The following TP73 variants were observed in gnomAD, a reference collection of about 807,000 sequenced individuals.
TP73 encodes p53-like transcription factor.
Under a neutral mutation model 62.5 loss-of-function variants are expected in TP73, and 25 were observed. That is an observed-to-expected ratio of 0.40 (90% CI 0.29 to 0.56). The LOEUF is 0.56. Among genes scored for constraint, TP73 ranks in the 20% least tolerant of loss-of-function variants. The pLI is 0.46. For synonymous variants in TP73, 423 were observed against 377.5 expected (o/e 1.12, Z -1.40); for missense variants, 754 against 913.3 (o/e 0.83, Z 2.25).
chr1:3,658,333 A>G (rs1045855226), intron 1 of TP73, among the ~76,000 whole-genome samples: 3 of 152,222 alleles, frequency 2.0e-5, no homozygotes, highest in African/African-American at 7.2e-5. Flanking sequence ...TTGACAAAAG[A>G]CAGACTCACA....
chr1:3,664,318 T>C (rs921693915), intron 1 of TP73, among the ~76,000 whole-genome samples: 1 of 152,136 alleles, frequency 6.6e-6, no homozygotes, highest in Non-Finnish European at 1.5e-5. Flanking sequence ...AGGCCCCCCG[T>C]GGCTCAGGGT....
At chr1:3,723,291 T>C in intron 5 of TP73, 63 bp from the exon 6 acceptor site, 1 of 1,398,578 alleles carries the variant, frequency 7.2e-7, no homozygotes, top group Non-Finnish European at 1.0e-6. Flanking sequence ...GGCACCTCTC[T>C]GCACCTAGCA....
At chr1:3,653,656 G>GT (rs1644806299) in intron 1 of TP73, among the ~76,000 whole-genome samples, 1 of 152,208 alleles carries the variant, frequency 6.6e-6, no homozygotes, top group Admixed American at 6.5e-5. Flanking sequence ...GGTTTTTGTT[G>GT]TTTTGTTTTT....
intron 4 of TP73, among the ~76,000 whole-genome samples, chr1:3,715,497 C>T (rs1640517722): frequency 6.6e-6 from 1 of 152,098 alleles, no homozygotes; most frequent in South Asian, 2.1e-4. Context: ...GCTGGTCCAC[C>T]CCAGCTTAGC....
intron 3 of TP73, among the ~76,000 whole-genome samples, chr1:3,700,934 C>T (rs1247451835): frequency 1.3e-5 from 2 of 152,236 alleles, no homozygotes; most frequent in Non-Finnish European, 2.9e-5. Context: ...AGCTCCCCTC[C>T]AGCTCCTGGC....
intron 6 of TP73, among the ~76,000 whole-genome samples, chr1:3,725,378 G>A (rs941404443): frequency 6.9e-6 from 1 of 145,556 alleles, no homozygotes; most frequent in Non-Finnish European, 1.5e-5. Context: ...GTGAGTGGGT[G>A]GATGGGTGGA....
intron 3 of TP73, among the ~76,000 whole-genome samples, chr1:3,689,937 T>A (rs560934533): frequency 6.6e-6 from 1 of 152,134 alleles, no homozygotes; most frequent in Admixed American, 6.5e-5. Context: ...ACAATGGAAA[T>A]TCAGACGGCC....
At chr1:3,726,726 G>A (rs1641660723) in intron 6 of TP73, among the ~76,000 whole-genome samples, 3 of 146,064 alleles carry the variant, frequency 2.1e-5, no homozygotes, top group South Asian at 2.3e-4. Context: ...GATGGGGTTC[G>A]TGGATGGATG....
intron 3 of TP73, among the ~76,000 whole-genome samples, chr1:3,698,882 C>T (rs1236519000): frequency 6.6e-6 from 1 of 152,196 alleles, no homozygotes; most frequent in African/African-American, 2.4e-5. Flanking sequence ...CAGGTGCAGG[C>T]AGGATAGCAG....
intron 5 of TP73, among the ~76,000 whole-genome samples, chr1:3,722,596 G>C (rs766193967): frequency 9.2e-5 from 14 of 152,210 alleles, no homozygotes; most frequent in Non-Finnish European, 1.8e-4. Context: ...CAGCTGGCCT[G>C]AGCCTCACCT....
At chr1:3,690,889 AC>A (rs761159006) in intron 3 of TP73, 166 of 1,569,492 alleles carry the variant, frequency 1.1e-4, no homozygotes, top group East Asian at 2.9e-4. Flanking sequence ...GCGTGTGCAG[AC>A]CCCCCGGCGC....
Position 3,710,041 on chromosome 1 carries a change from G to A in TP73, c.429+2250G>A, listed in dbSNP as rs369816910. On this transcript the variant is annotated intron_variant, in intron 4 of 13. Transcript: ENST00000378295. ...TCTCAACTGCCTTGTCCTGCAGGAC[G>A]GGGTGGCCTTGCCCTGTGGGATGGG... Among the ~76,000 whole-genome samples, 13 of 152,230 alleles carry A rather than the reference G, an allele frequency of 8.5e-5. No individual in the cohort carries two copies. In the East Asian group the frequency reaches 1.2e-3, roughly 14 times the overall value.
chr1:3,726,188 G>A lies in TP73; in HGVS notation c.733-927G>A, dbSNP rs552755244. ...GATGGATGGATAGATAATAAATGGGGGGAGTGGATGGATGGATGAATGGGG... is the reference window on the plus strand; with the variant it reads ...GATGGATGGATAGATAATAAATGGGAGGAGTGGATGGATGGATGAATGGGG... On this transcript the variant is annotated intron_variant, in intron 6 of 13. Coordinates refer to ENST00000378295, the MANE Select transcript of TP73 (RefSeq NM_005427.4). Among the ~76,000 whole-genome samples, 250 of 137,114 alleles carry A rather than the reference G, an allele frequency of 1.8e-3. 2 individuals are homozygous for A. The highest frequency in any genetic ancestry group is 6.7e-3 in the African/African-American group (242 of 36,150). The allele number at this position is 137,114 out of a possible 152,430, so 90.0% of individuals were successfully genotyped here.
At chr1:3,697,520 CT>C (rs1005908319) in intron 3 of TP73, among the ~76,000 whole-genome samples, 1 of 152,234 alleles carries the variant, frequency 6.6e-6, no homozygotes, top group Non-Finnish European at 1.5e-5. Flanking sequence ...GCCCTGGCCC[CT>C]GTGCCTGGCT....
intron 1 of TP73, among the ~76,000 whole-genome samples, chr1:3,656,973 G>T (rs1347330658): frequency 6.6e-6 from 1 of 152,244 alleles, no homozygotes; most frequent in Non-Finnish European, 1.5e-5. Context: ...CTTAAAAAGT[G>T]GTTTGTGCTT....
intron 3 of TP73, among the ~76,000 whole-genome samples, chr1:3,685,398 G>A (rs1645627390): frequency 3.3e-5 from 5 of 152,314 alleles, no homozygotes; most frequent in Admixed American, 2.6e-4. Flanking sequence ...GATCTGTCTG[G>A]CAGCGACACG....
chr1:3,663,487 G>A lies in TP73; in HGVS notation c.-34+10846G>A, dbSNP rs369668598. Among the ~76,000 whole-genome samples the A allele has an allele frequency of 7.2e-5, 11 of 151,976 alleles. No homozygotes were observed. The highest frequency in any genetic ancestry group is 2.2e-4 in the African/African-American group (9 of 41,394). ...TCCCAGCACTTTGGGAGGCTGAGTC[G>A]GGCGGATCACTAGGTCAGGAGATCG... On this transcript the variant is annotated intron_variant, in intron 1 of 13. Coordinates refer to ENST00000378295, the MANE Select transcript of TP73 (RefSeq NM_005427.4). The surrounding 1 kb of genome is among the most constrained non-coding windows in gnomAD (Gnocchi z 4.7).
intron 4 of TP73, among the ~76,000 whole-genome samples, chr1:3,710,597 C>T (rs1043937287): frequency 4.6e-5 from 7 of 152,210 alleles, no homozygotes; most frequent in African/African-American, 1.2e-4. Flanking sequence ...CATTGGCTGC[C>T]GCCCTCCTTT....
rs1435488318 is a variant in TP73, at chr1:3,662,273, G to A, written c.-34+9632G>A. On this transcript the variant is annotated intron_variant, in intron 1 of 13. Coordinates refer to ENST00000378295, the MANE Select transcript of TP73 (RefSeq NM_005427.4). The surrounding 1 kb of genome is among the most constrained non-coding windows in gnomAD (Gnocchi z 4.4). Reference sequence around the variant, plus strand: ...TCCTTTCATGTCACCAAGCTGCAGGGGAGGAAAAGTGACATCAGACAGATC... The same window carrying A: ...TCCTTTCATGTCACCAAGCTGCAGGAGAGGAAAAGTGACATCAGACAGATC... 1 of 152,190 alleles carries A rather than the reference G, an allele frequency of 6.6e-6. No homozygotes were observed. Among genetic ancestry groups the A allele is most frequent in the Non-Finnish European group, 1.5e-5 (1 of 68,042 alleles). 9.4% of individuals were successfully genotyped at this position (152,190 alleles called of 1,614,324 possible). A position where few individuals can be genotyped will look rare whatever the true frequency, so the allele number is the denominator to read the frequency against.
Sources: allele counts gnomAD v4.1 joint callset (sites outside exome capture counted in the v4.1 genomes callset), GRCh38; gene constraint gnomAD v4.1.1; non-coding constraint Gnocchi (gnomAD v3.1); transcripts MANE v1.5; gene names NCBI Gene and HGNC (gene_info 2026-07-23, HGNC 2026-07-21).